Variants in HFM1 observed in about 807,000 individuals in gnomAD.
The protein encoded by HFM1 is probable ATP-dependent DNA helicase HFM1.
HFM1 carries 169 observed loss-of-function variants against 192.1 expected under a neutral mutation model. The observed-to-expected ratio is 0.88, with a 90% CI of 0.78 to 1.00. The LOEUF (loss-of-function observed/expected upper bound fraction) is 1.00, where lower values mean the gene tolerates loss of function less well. Ranked by LOEUF, HFM1 falls within the 50% of genes least tolerant of loss-of-function variation. HFM1 has a pLI of 0.00. For missense variants in HFM1, 1,661 were observed against 1,668.0 expected, an observed-to-expected ratio of 1.00 and a Z score of 0.07; for synonymous variants, 525 against 537.8, an observed-to-expected ratio of 0.98 and a Z score of 0.33.
In HFM1 at chr1:91,401,126, AAGT is replaced by A. The variant is rs772307367; in HGVS notation, c.-27-20_-27-18del. 2.8e-6 allele frequency: 3 copies of A among 1,068,310 alleles called. No individual in the cohort carries two copies. The highest frequency in any genetic ancestry group is 4.1e-6 in the Non-Finnish European group (3 of 731,684). The allele number at this position is 1,068,310 out of a possible 1,614,324, so 66.2% of individuals were successfully genotyped here. ...GTCATAAATCTACAAAATATGGAAAAAGTAGTTTATATTTTATTTATAAAGATG... is the reference window on the plus strand; with the variant it reads ...GTCATAAATCTACAAAATATGGAAAAAGTTTATATTTTATTTATAAAGATG... On this transcript the variant is annotated intron_variant, in intron 1 of 38. Coordinates refer to ENST00000370425, the MANE Select transcript of HFM1 (RefSeq NM_001017975.6).
chr1:91,337,190 T>G (rs1396051334), intron 20 of HFM1, among the ~76,000 whole-genome samples: 1 of 152,174 alleles, frequency 6.6e-6, no homozygotes, highest in East Asian at 1.9e-4. Context: ...CATGTTTACC[T>G]GTAACGAACC....
chr1:91,343,476 G>T lies in HFM1; in HGVS notation c.2289C>A (p.Ser763=). ...LCLKNLNDLS[S]LDLIKMDEGV... ...CTTCATCCATCTTTATTAAGTCCAG[G>T]GATGATAAATCATTCAGATTCTTCA... is the stretch of plus-strand genomic sequence containing the variant. Residue 763 remains serine, a synonymous_variant, in exon 20 of 39, where the codon TCC becomes TCA. Transcript: ENST00000370425. 1 of 1,437,000 alleles carries T rather than the reference G, an allele frequency of 7.0e-7. No individual in the cohort carries two copies. Among genetic ancestry groups the T allele is most frequent in the Non-Finnish European group, 9.5e-7 (1 of 1,048,380 alleles). The allele number at this position is 1,437,000 out of a possible 1,614,324, so 89.0% of individuals were successfully genotyped here. A position where few individuals can be genotyped will look rare whatever the true frequency, so the allele number is the denominator to read the frequency against.
At chr1:91,362,393 C>T (rs973871929) in intron 13 of HFM1, among the ~76,000 whole-genome samples, 1 of 152,090 alleles carries the variant, frequency 6.6e-6, no homozygotes. Flanking sequence ...TTCCTATACA[C>T]CAACAACAGG....
rs185670043 is a variant in HFM1 at position 91,328,684 on chromosome 1, G to A, written c.2336-3918C>T. 6.2e-4 allele frequency: 984 copies of A among 1,598,994 alleles called. 6 individuals are homozygous for A. In the African/African-American group the frequency reaches 0.011, roughly 17 times the overall value. ...GTCAGGCGAGCTGGCCAAATGCAGT[G>A]AACTGCGGGGCTGAGGCAGAGAAGC... On this transcript the variant is annotated intron_variant, in intron 20 of 38. Transcript: ENST00000370425.
chr1:91,319,131 C>T lies in HFM1; in HGVS notation c.2759G>A (p.Arg920Lys), dbSNP rs745730719. The T allele has an allele frequency of 8.7e-6, 14 of 1,610,924 alleles. No individual in the cohort carries two copies. Among genetic ancestry groups the T allele is most frequent in the Non-Finnish European group, 1.1e-5 (13 of 1,179,086 alleles). ...LNSLILAKCF[R>K]CKLWENSLHV... Reference sequence around the variant, plus strand: ...CAGAGAGTTTTCCCAAAGTTTACACCTAAAACATTTAGCTAAAATCAAACT... The same window carrying T: ...CAGAGAGTTTTCCCAAAGTTTACACTTAAAACATTTAGCTAAAATCAAACT... Residue 920 changes from arginine to lysine, a missense_variant, in exon 25 of 39, where the codon AGG becomes AAG. Transcript: ENST00000370425.
At chr1:91,307,876 C>G (rs1185680854) in intron 30 of HFM1, among the ~76,000 whole-genome samples, 1 of 151,990 alleles carries the variant, frequency 6.6e-6, no homozygotes, top group East Asian at 1.9e-4. Flanking sequence ...TCACTTTCAT[C>G]ATGAAGGATA....
intron 13 of HFM1, among the ~76,000 whole-genome samples, chr1:91,367,351 G>A (rs987769098): frequency 5.3e-5 from 8 of 152,144 alleles, no homozygotes; most frequent in Non-Finnish European, 8.8e-5. Flanking sequence ...GAGAGGCACC[G>A]ACCAGTAGGG....
rs538364619 is a variant in HFM1 at position 91,368,743 on chromosome 1, T to C, written c.1685+6615A>G. On this transcript the variant is annotated intron_variant, in intron 13 of 38. Transcript: ENST00000370425. ...ATAATGACAGGATCAAATTCACACA[T>C]AACAATATTAACCTTAACTGTAAAT... Among the ~76,000 whole-genome samples, 356 of 152,162 alleles carry C rather than the reference T, an allele frequency of 2.3e-3. 1 individual carries two copies. Among genetic ancestry groups the C allele is most frequent in the African/African-American group, 8.0e-3 (333 of 41,502 alleles).
At chr1:91,372,886 C>A (rs925233392) in intron 13 of HFM1, among the ~76,000 whole-genome samples, 3 of 151,996 alleles carry the variant, frequency 2.0e-5, no homozygotes, top group African/African-American at 7.2e-5. Context: ...TGACTGTGAG[C>A]TCTTTGTTGG....
intron 20 of HFM1, among the ~76,000 whole-genome samples, chr1:91,336,681 A>G (rs561181309): frequency 2.7e-4 from 41 of 152,342 alleles, no homozygotes; most frequent in African/African-American, 8.9e-4. Flanking sequence ...GGCAATTCCT[A>G]TAAGACCTAG....
intron 30 of HFM1, among the ~76,000 whole-genome samples, chr1:91,297,684 C>A (rs1647882419): frequency 6.6e-6 from 1 of 152,224 alleles, no homozygotes; most frequent in Non-Finnish European, 1.5e-5. Context: ...AAAACAGGGT[C>A]TGGAGTGGAC....
At chr1:91,290,281 T>A (rs1218975636) in intron 30 of HFM1, among the ~76,000 whole-genome samples, 1 of 152,134 alleles carries the variant, frequency 6.6e-6, no homozygotes. Context: ...TCAAGACCCA[T>A]CAGTGTGCTG....
chr1:91,364,937 T>C lies in HFM1; in HGVS notation c.1685+10421A>G, dbSNP rs888475779. On this transcript the variant is annotated intron_variant, in intron 13 of 38. Transcript: ENST00000370425. ...CGTGAGCCACCGCGCCTGGTGTGTA[T>C]ATATATATAACATAGTATACACACA... Among the ~76,000 whole-genome samples the C allele has an allele frequency of 1.3e-4, 19 of 151,632 alleles. No individual in the cohort carries two copies. In the East Asian group the frequency reaches 3.7e-3, roughly 30 times the overall value.
At chr1:91,265,890 T>G (rs2100691858) in intron 36 of HFM1, 127 bp downstream of exon 36, 1 of 1,273,506 alleles carries the variant, frequency 7.9e-7, no homozygotes, top group East Asian at 2.9e-5. Context: ...CCTCTAAGAT[T>G]AAGAGGGTTT....
chr1:91,277,142 TTTCC>T, intron 30 of HFM1, 80 bp from the exon 31 acceptor site: 2 of 702,320 alleles, frequency 2.8e-6, no homozygotes, highest in Non-Finnish European at 4.6e-6. Context: ...TTTTATCCAG[TTTCC>T]TTCCTTTCAG....
At chr1:91,333,896 G>A (rs770943832) in intron 20 of HFM1, among the ~76,000 whole-genome samples, 22 of 152,254 alleles carry the variant, frequency 1.4e-4, no homozygotes, top group South Asian at 4.1e-4. Context: ...TACATGCTAA[G>A]TACCTAGACG....
intron 30 of HFM1, among the ~76,000 whole-genome samples, chr1:91,296,397 A>G (rs1647572172): frequency 6.6e-6 from 1 of 152,176 alleles, no homozygotes; most frequent in Non-Finnish European, 1.5e-5. Context: ...CCTTATGCCT[A>G]CATCACATTC....
rs558237194 is a variant in HFM1 at position 91,328,135 on chromosome 1, T to C, written c.2336-3369A>G. On this transcript the variant is annotated intron_variant, in intron 20 of 38. Transcript: ENST00000370425. ...AATAAATGTCAGAGCAGAAATAAAATTGAAATGAAGAAAACAATACAAAAG... is the reference window on the plus strand; with the variant it reads ...AATAAATGTCAGAGCAGAAATAAAACTGAAATGAAGAAAACAATACAAAAG... 4.6e-5 allele frequency among the ~76,000 whole-genome samples: 7 copies of C among 152,154 alleles called. No homozygotes were observed. In the East Asian group the frequency reaches 1.4e-3, roughly 29 times the overall value.
At chr1:91,404,388 G>T (rs1664638841) in intron 1 of HFM1, among the ~76,000 whole-genome samples, 1 of 152,206 alleles carries the variant, frequency 6.6e-6, no homozygotes, top group Non-Finnish European at 1.5e-5. Flanking sequence ...TCCTCCCACC[G>T]CTGTGAAACC....
Sources: gnomAD v4.1 joint callset for allele counts (sites outside exome capture counted in the v4.1 genomes callset) on GRCh38, gnomAD v4.1.1 for gene constraint, MANE v1.5 for transcripts, NCBI Gene and HGNC (gene_info 2026-07-23, HGNC 2026-07-21) for gene names.